Variants in CHN1 observed in about 807,000 individuals in gnomAD.
CHN1 encodes N-chimaerin.
A neutral mutation model predicts 59.5 loss-of-function variants in CHN1; 37 were observed. The observed-to-expected ratio is 0.62, with a 90% CI of 0.48 to 0.82. The LOEUF (loss-of-function observed/expected upper bound fraction) is 0.82. Among genes scored for constraint, CHN1 ranks in the 40% least tolerant of loss-of-function variants. The probability of loss-of-function intolerance (pLI) is 0.00; values close to 1 mark genes in which losing one functional copy is unlikely to be tolerated. For missense variants in CHN1, 469 were observed against 571.0 expected (o/e 0.82, Z 1.82); for synonymous variants, 206 against 200.4 (o/e 1.03, Z -0.24).
intron 6 of CHN1, chr2:174,847,502 C>T: frequency 8.4e-7 from 1 of 1,190,724 alleles, no homozygotes; most frequent in Non-Finnish European, 1.1e-6. Context: ...GCTTTCTTCT[C>T]TATTCAAGAT....
Position 174,952,171 on chromosome 2 carries a change from T to C in CHN1, c.51A>G (p.Lys17=). The change falls in exon 2 of 13, where the codon AAA becomes AAG. Residue 17 remains lysine (K), a synonymous_variant. Coordinates refer to ENST00000409900, the MANE Select transcript of CHN1 (RefSeq NM_001822.7). ...AATTATTTGTAGACTTACAGTAAGA[T>C]TTCCAAACAGGAGGTCTATATTCAT... The part of the protein sequence containing the change: ...DTDEYRPPVW[K]SYLYQLQQEA... 6.9e-7 allele frequency: 1 copy of C among 1,450,750 alleles called. No individual in the cohort carries two copies. The allele number at this position is 1,450,750 out of a possible 1,614,324, so 89.9% of individuals were successfully genotyped here. A position where few individuals can be genotyped will look rare whatever the true frequency, so the allele number is the denominator to read the frequency against.
intron 7 of CHN1, among the ~76,000 whole-genome samples, chr2:174,825,158 T>C (rs1312745278): frequency 6.6e-6 from 1 of 152,232 alleles, no homozygotes; most frequent in Non-Finnish European, 1.5e-5. Context: ...TCTACAGTAC[T>C]ATGACATGAA....
intron 1 of CHN1, among the ~76,000 whole-genome samples, chr2:174,959,332 T>C (rs1395990600): frequency 1.3e-5 from 2 of 152,196 alleles, no homozygotes; most frequent in East Asian, 3.9e-4. Context: ...AGATCACTGG[T>C]GTGGATCCTT....
chr2:174,830,877 G>A (rs1685857750), intron 7 of CHN1, among the ~76,000 whole-genome samples: 1 of 152,158 alleles, frequency 6.6e-6, no homozygotes, highest in African/African-American at 2.4e-5. Flanking sequence ...TAACACGGAA[G>A]CACCGCTTCA....
At position 174,801,738 on chromosome 2, in the gene CHN1, TTTCGCAG is replaced by T; in HGVS notation, c.1170_1176del (p.His390GlnfsTer10). 1 of 1,613,322 alleles carries T rather than the reference TTTCGCAG, an allele frequency of 6.2e-7. No homozygotes were observed. The highest frequency in any genetic ancestry group is 8.5e-7 in the Non-Finnish European group (1 of 1,179,474). On this transcript the variant is annotated frameshift_variant, in exon 12 of 13. Transcript: ENST00000409900. LOFTEE classifies it high-confidence loss of function. ...AGATGTGCCATGAGGTACCGGAGGG[TTTCGCAG>T]TGAGCAGGTGGCAGTAGTTTCAGTG...
chr2:174,846,557 C>G, intron 7 of CHN1: 1 of 1,176,904 alleles, frequency 8.5e-7, no homozygotes, highest in South Asian at 1.8e-5. Context: ...CAGAGGTATT[C>G]AGACACATTT....
intron 7 of CHN1, among the ~76,000 whole-genome samples, chr2:174,831,258 T>C (rs1685870380): frequency 6.6e-6 from 1 of 152,252 alleles, no homozygotes; most frequent in Non-Finnish European, 1.5e-5. Context: ...TAACAGAGCT[T>C]AAATTCTTTT....
intron 7 of CHN1, among the ~76,000 whole-genome samples, chr2:174,841,196 T>C (rs1686288499): frequency 6.6e-6 from 1 of 152,206 alleles, no homozygotes; most frequent in African/African-American, 2.4e-5. Context: ...GTAACCTTTC[T>C]GATAACCTTA....
intron 1 of CHN1, among the ~76,000 whole-genome samples, chr2:174,988,298 A>T (rs910240506): frequency 1.3e-5 from 2 of 150,420 alleles, no homozygotes; most frequent in Non-Finnish European, 3.0e-5. Context: ...CGGAGCTTGC[A>T]GTGAGTCGAG....
chr2:174,815,194 T>C (rs1045214100), intron 8 of CHN1, among the ~76,000 whole-genome samples: 2 of 152,060 alleles, frequency 1.3e-5, no homozygotes, highest in South Asian at 2.1e-4. Context: ...CTAGGCAACA[T>C]AGTGAGACCC....
At position 174,873,832 on chromosome 2, in the gene CHN1, T is replaced by C. The variant is rs116745336; in HGVS notation, c.549+4008A>G. On this transcript the variant is annotated intron_variant, in intron 6 of 12. Transcript: ENST00000409900. ...GACAATGTGCCAAGCACTGCATTCA[T>C]TCCAAGCTTAGAGGGGAAGAAAAAA... Among the ~76,000 whole-genome samples the C allele has an allele frequency of 5.6e-3, 855 of 152,344 alleles. 8 individuals carry two copies. The highest frequency in any genetic ancestry group is 0.02 in the African/African-American group (817 of 41,580).
At chr2:174,895,239 C>T (rs1344610972) in intron 5 of CHN1, among the ~76,000 whole-genome samples, 1 of 149,632 alleles carries the variant, frequency 6.7e-6, no homozygotes, top group South Asian at 2.1e-4. Flanking sequence ...CACACACACA[C>T]AATGGAGTAT....
chr2:174,884,332 G>A (rs369965099), intron 5 of CHN1, among the ~76,000 whole-genome samples: 7 of 151,814 alleles, frequency 4.6e-5, no homozygotes, highest in African/African-American at 9.7e-5. Flanking sequence ...GAATCAAAGC[G>A]ATAACTCAAA....
At chr2:174,920,907 G>A (rs934366659) in intron 3 of CHN1, 12 of 420,004 alleles carry the variant, frequency 2.9e-5, no homozygotes, top group Admixed American at 1.4e-4. Flanking sequence ...GCAACTAGAC[G>A]GCCCCATCTG....
At chr2:174,914,074 C>G (rs183226761) in intron 5 of CHN1, among the ~76,000 whole-genome samples, 1 of 152,196 alleles carries the variant, frequency 6.6e-6, no homozygotes, top group Non-Finnish European at 1.5e-5. Context: ...ATAGCAGCAG[C>G]ACAAGTTATT....
At chr2:174,892,801 G>GT (rs1343631956) in intron 5 of CHN1, among the ~76,000 whole-genome samples, 2 of 152,096 alleles carry the variant, frequency 1.3e-5, no homozygotes, top group Non-Finnish European at 2.9e-5. Flanking sequence ...ATGCAAGAAT[G>GT]AGTCACTATA....
intron 5 of CHN1, among the ~76,000 whole-genome samples, chr2:174,881,495 G>A (rs1183478533): frequency 1.3e-5 from 2 of 152,182 alleles, no homozygotes; most frequent in African/African-American, 2.4e-5. Flanking sequence ...CCAGATGGCT[G>A]TGAGGATTAC....
intron 1 of CHN1, among the ~76,000 whole-genome samples, chr2:174,960,999 G>GTT (rs1690379896): frequency 6.6e-6 from 1 of 151,772 alleles, no homozygotes; most frequent in African/African-American, 2.4e-5. Flanking sequence ...CAGGTGGCGC[G>GTT]TGACTGTAGT....
At chr2:174,992,946 A>G (rs1691589087) in intron 1 of CHN1, among the ~76,000 whole-genome samples, 1 of 151,998 alleles carries the variant, frequency 6.6e-6, no homozygotes, top group Non-Finnish European at 1.5e-5. Flanking sequence ...GTGTGCCACC[A>G]TGCCAGCTAT....
Sources: allele counts gnomAD v4.1 joint callset (sites outside exome capture counted in the v4.1 genomes callset), GRCh38; gene constraint gnomAD v4.1.1; transcripts MANE v1.5; gene names NCBI Gene and HGNC (gene_info 2026-07-23, HGNC 2026-07-21).